The following GLCCI1 variants were observed in gnomAD, a reference collection of about 807,000 sequenced individuals.
The protein encoded by GLCCI1 is glucocorticoid-induced transcript 1 protein.
GLCCI1 carries 24 observed loss-of-function variants against 52.2 expected under a neutral mutation model. The observed-to-expected ratio is 0.46, with a 90% CI of 0.33 to 0.65. GLCCI1 has a LOEUF of 0.65. GLCCI1 is among the 30% of genes least tolerant of loss of function. The pLI is 0.02. For synonymous variants in GLCCI1, 310 were observed against 276.5 expected (o/e 1.12, Z -1.20); for missense variants, 704 against 701.5 (o/e 1.00, Z -0.04).
chr7:8,000,460 A>T (rs1251906733), intron 1 of GLCCI1, among the ~76,000 whole-genome samples: 1 of 152,178 alleles, frequency 6.6e-6, no homozygotes, highest in African/African-American at 2.4e-5. Flanking sequence ...ATTAGCAAGG[A>T]ACATTCCAAA....
chr7:8,016,567 G>A (rs1008488839), intron 2 of GLCCI1, among the ~76,000 whole-genome samples: 2 of 152,142 alleles, frequency 1.3e-5, no homozygotes, highest in Admixed American at 6.5e-5. Context: ...GCCTCTTAAG[G>A]TATACTGTTT....
At chr7:8,033,977 A>G (rs1406929565) in intron 3 of GLCCI1, among the ~76,000 whole-genome samples, 1 of 152,170 alleles carries the variant, frequency 6.6e-6, no homozygotes. Flanking sequence ...AAAATTTGGT[A>G]GAATTATATT....
intron 5 of GLCCI1, among the ~76,000 whole-genome samples, chr7:8,066,584 T>G (rs1406725499): frequency 6.6e-6 from 1 of 151,320 alleles, no homozygotes; most frequent in African/African-American, 2.4e-5. Flanking sequence ...ATGTTGTATC[T>G]TTAGTCCCAT....
In GLCCI1 at chr7:8,060,114, G is replaced by T; in HGVS notation, c.832G>T (p.Val278Phe). The T allele has an allele frequency of 6.2e-7, 1 of 1,613,560 alleles. No individual in the cohort carries two copies. The highest frequency in any genetic ancestry group is 8.5e-7 in the Non-Finnish European group (1 of 1,179,742). ...SHTQATGSRS[V>F]PMPLSNISVP... is the part of the protein sequence containing the mutation. Reference sequence around the variant, plus strand: ...CTCATAGGCTACTGGATCAAGGTCAGTTCCTATGCCACTGTCAAATATATC... The same window carrying T: ...CTCATAGGCTACTGGATCAAGGTCATTTCCTATGCCACTGTCAAATATATC... The change falls in exon 5 of 8, where the codon GTT becomes TTT. Residue 278 changes from valine to phenylalanine, a missense_variant. Physicochemically the swap from Val to Phe is conservative, Grantham distance 50. Transcript: ENST00000223145.
At chr7:7,983,538 G>A (rs1239970586) in intron 1 of GLCCI1, among the ~76,000 whole-genome samples, 2 of 152,142 alleles carry the variant, frequency 1.3e-5, no homozygotes, top group Non-Finnish European at 2.9e-5. Context: ...CCAAATAATA[G>A]CATGTCATTT....
At chr7:8,067,708 AG>A (rs1782662151) in intron 5 of GLCCI1, among the ~76,000 whole-genome samples, 1 of 152,208 alleles carries the variant, frequency 6.6e-6, no homozygotes, top group South Asian at 2.1e-4. Flanking sequence ...TTCTGCTGAA[AG>A]GTCTTCTGTT....
chr7:8,084,182 ATGGGTT>A (rs1783051860), intron 6 of GLCCI1, among the ~76,000 whole-genome samples: 1 of 152,214 alleles, frequency 6.6e-6, no homozygotes, highest in Admixed American at 6.5e-5. Flanking sequence ...GAAATTGCAT[ATGGGTT>A]TTATGGCTTT....
At chr7:8,054,369 C>T (rs987330639) in intron 3 of GLCCI1, among the ~76,000 whole-genome samples, 2 of 152,064 alleles carry the variant, frequency 1.3e-5, no homozygotes, top group African/African-American at 4.8e-5. Context: ...TATGAGAGAT[C>T]CATAAGCTAC....
In GLCCI1 at chr7:7,969,907, A is replaced by G; in HGVS notation, c.457+100A>G. Reference sequence around the variant, plus strand: ...TCGGGCTTCTCTTTGCTAGTGCATTATCGAAGGTGTGAAAGTGGCTTTGGG... The same window carrying G: ...TCGGGCTTCTCTTTGCTAGTGCATTGTCGAAGGTGTGAAAGTGGCTTTGGG... On this transcript the variant is annotated intron_variant, in intron 1 of 7. Transcript: ENST00000223145. The surrounding 1 kb of genome is among the most constrained non-coding windows in gnomAD (Gnocchi z 4.9). The G allele has an allele frequency of 8.9e-7, 1 of 1,126,982 alleles. No individual in the cohort carries two copies. Among genetic ancestry groups the G allele is most frequent in the Non-Finnish European group, 1.1e-6 (1 of 912,164 alleles). The allele number at this position is 1,126,982 out of a possible 1,614,324, so 69.8% of individuals were successfully genotyped here.
chr7:8,004,499 A>G (rs1781108507), intron 2 of GLCCI1, among the ~76,000 whole-genome samples: 1 of 152,216 alleles, frequency 6.6e-6, no homozygotes, highest in Non-Finnish European at 1.5e-5. Flanking sequence ...TCAGAGGGAA[A>G]TAGAAATTAA....
chr7:7,992,019 G>A (rs867697968), intron 1 of GLCCI1, among the ~76,000 whole-genome samples: 25 of 151,676 alleles, frequency 1.6e-4, no homozygotes, highest in Non-Finnish European at 3.0e-4. Flanking sequence ...ATTCAATGAC[G>A]TTGGAGGAAT....
At chr7:8,044,203 C>G (rs752741099) in intron 3 of GLCCI1, among the ~76,000 whole-genome samples, 1 of 152,072 alleles carries the variant, frequency 6.6e-6, no homozygotes, top group African/African-American at 2.4e-5. Flanking sequence ...CGTCAGCCTC[C>G]CAAAGTGCTG....
At chr7:7,998,811 C>CT (rs1312760967) in intron 1 of GLCCI1, among the ~76,000 whole-genome samples, 2 of 152,064 alleles carry the variant, frequency 1.3e-5, no homozygotes, top group Non-Finnish European at 2.9e-5. Flanking sequence ...AATTGGTTGA[C>CT]TTTTTTGCAG....
intron 3 of GLCCI1, among the ~76,000 whole-genome samples, chr7:8,044,447 C>T (rs1488481577): frequency 1.3e-5 from 2 of 150,932 alleles, no homozygotes; most frequent in Non-Finnish European, 1.5e-5. Context: ...CGGCTCACTG[C>T]GGCCTCGACC....
chr7:8,076,834 A>AT (rs142286377), intron 6 of GLCCI1, among the ~76,000 whole-genome samples: 8,367 of 152,086 alleles, frequency 0.055, 364 homozygotes, highest in East Asian at 0.2. Flanking sequence ...CTTAATGGAG[A>AT]TTTTTTTGAG....
chr7:8,019,301 T>G (rs1262006176), intron 2 of GLCCI1, among the ~76,000 whole-genome samples: 1 of 152,206 alleles, frequency 6.6e-6, no homozygotes, highest in Non-Finnish European at 1.5e-5. Flanking sequence ...TTAGTTTTAT[T>G]AGGTCCTCAT....
intron 3 of GLCCI1, among the ~76,000 whole-genome samples, chr7:8,049,912 A>C (rs966664371): frequency 3.3e-5 from 5 of 152,250 alleles, no homozygotes; most frequent in Non-Finnish European, 5.9e-5. Flanking sequence ...AATTTGAGGC[A>C]TCAGATGGAT....
At chr7:8,018,759 G>A (rs1426198578) in intron 2 of GLCCI1, among the ~76,000 whole-genome samples, 1 of 152,060 alleles carries the variant, frequency 6.6e-6, no homozygotes, top group African/African-American at 2.4e-5. Flanking sequence ...CATTGTTCAA[G>A]TGTACAGAAG....
intron 1 of GLCCI1, among the ~76,000 whole-genome samples, chr7:7,983,553 T>A (rs73049278): frequency 5.9e-5 from 9 of 152,330 alleles, no homozygotes; most frequent in Non-Finnish European, 1.3e-4. Flanking sequence ...TCATTTTTAG[T>A]ATTCCAGCAT....
Sources: gnomAD v4.1 joint callset for allele counts (sites outside exome capture counted in the v4.1 genomes callset) on GRCh38, gnomAD v4.1.1 for gene constraint, Gnocchi (gnomAD v3.1) non-coding constraint, MANE v1.5 for transcripts, NCBI Gene and HGNC (gene_info 2026-07-23, HGNC 2026-07-21) for gene names.